Variants in KCNB2 observed in about 807,000 individuals in gnomAD.
KCNB2 encodes potassium voltage-gated channel subfamily B member 2.
A neutral mutation model predicts 61.5 loss-of-function variants in KCNB2; 15 were observed. The ratio of observed to expected loss-of-function variants is 0.24; its 90% CI spans 0.16 to 0.38. The LOEUF (loss-of-function observed/expected upper bound fraction) is 0.38. KCNB2 is among the 10% of genes least tolerant of loss of function. The pLI, the probability that KCNB2 is intolerant of heterozygous loss-of-function variation, is 1.00. For missense variants in KCNB2, 828 were observed against 1,125.2 expected, an observed-to-expected ratio of 0.74 and a Z score of 3.78; for synonymous variants, 457 against 446.0, an observed-to-expected ratio of 1.02 and a Z score of -0.31.
At chr8:72,774,506 C>T (rs987456698) in intron 2 of KCNB2, among the ~76,000 whole-genome samples, 29 of 152,016 alleles carry the variant, frequency 1.9e-4, no homozygotes, top group African/African-American at 6.3e-4. Context: ...TGTGCCACTA[C>T]GCCTGGCTAA....
chr8:72,908,745 C>T (rs1806226306), intron 2 of KCNB2, among the ~76,000 whole-genome samples: 1 of 152,190 alleles, frequency 6.6e-6, no homozygotes, highest in Admixed American at 6.5e-5. Flanking sequence ...AGTCAGAGCA[C>T]CTCACACATC....
intron 2 of KCNB2, among the ~76,000 whole-genome samples, chr8:72,649,625 T>C (rs1323026422): frequency 6.6e-6 from 1 of 152,136 alleles, no homozygotes; most frequent in Non-Finnish European, 1.5e-5. Context: ...TAAAAGGTGA[T>C]TTCCACTATC....
intron 2 of KCNB2, among the ~76,000 whole-genome samples, chr8:72,654,368 G>T (rs1806258193): frequency 6.6e-6 from 1 of 152,298 alleles, no homozygotes; most frequent in South Asian, 2.1e-4. Context: ...AAGATGTAAA[G>T]ATGAAAGAGT....
chr8:72,668,302 C>G (rs1342534458), intron 2 of KCNB2, among the ~76,000 whole-genome samples: 1 of 152,158 alleles, frequency 6.6e-6, no homozygotes, highest in Non-Finnish European at 1.5e-5. Flanking sequence ...TCCTCAGTTT[C>G]CAGCTTCTCC....
At chr8:72,709,675 G>A (rs2128991708) in intron 2 of KCNB2, among the ~76,000 whole-genome samples, 1 of 152,010 alleles carries the variant, frequency 6.6e-6, no homozygotes, top group Admixed American at 6.6e-5. Context: ...ATTCATGAGG[G>A]ATCCACCCCG....
intron 2 of KCNB2, among the ~76,000 whole-genome samples, chr8:72,769,157 T>C (rs1808518639): frequency 6.6e-6 from 1 of 151,696 alleles, no homozygotes; most frequent in Non-Finnish European, 1.5e-5. Context: ...TGAAACCCTG[T>C]CTCAAAAAAA....
intron 2 of KCNB2, among the ~76,000 whole-genome samples, chr8:72,934,842 C>T (rs2129009308): frequency 6.6e-6 from 1 of 151,920 alleles, no homozygotes; most frequent in Non-Finnish European, 1.5e-5. Flanking sequence ...CTCAAATCTG[C>T]ATCCTTCTGC....
intron 2 of KCNB2, among the ~76,000 whole-genome samples, chr8:72,595,236 G>C (rs915418586): frequency 6.6e-6 from 1 of 151,754 alleles, no homozygotes; most frequent in Non-Finnish European, 1.5e-5. Flanking sequence ...CACTCATGAG[G>C]CCCTCAAGTG....
intron 2 of KCNB2, among the ~76,000 whole-genome samples, chr8:72,587,016 A>T (rs758948513): frequency 6.6e-6 from 1 of 152,232 alleles, no homozygotes; most frequent in Non-Finnish European, 1.5e-5. Context: ...TTGATAGCAA[A>T]GATGAATCTT....
chr8:72,574,631 A>G (rs972710882), intron 2 of KCNB2, among the ~76,000 whole-genome samples: 1 of 152,212 alleles, frequency 6.6e-6, no homozygotes, highest in Non-Finnish European at 1.5e-5. Context: ...GTTTTCATTA[A>G]TATTAAAAAA....
chr8:72,859,287 T>TATTACC (rs1223205153), intron 2 of KCNB2, among the ~76,000 whole-genome samples: 1 of 152,160 alleles, frequency 6.6e-6, no homozygotes, highest in Admixed American at 6.5e-5. Flanking sequence ...AAGTGTAGTA[T>TATTACC]GGAATATTAC....
chr8:72,675,679 G>A (rs1465096572), intron 2 of KCNB2, among the ~76,000 whole-genome samples: 1 of 151,928 alleles, frequency 6.6e-6, no homozygotes. Flanking sequence ...TCAGCCTCCT[G>A]AGTAGCTGGG....
chr8:72,745,394 G>A (rs573216589), intron 2 of KCNB2, among the ~76,000 whole-genome samples: 9 of 152,148 alleles, frequency 5.9e-5, no homozygotes, highest in Non-Finnish European at 7.4e-5. Flanking sequence ...CCAGAGCCAC[G>A]CTCACTCATG....
chr8:72,630,995 T>C (rs999288214), intron 2 of KCNB2, among the ~76,000 whole-genome samples: 1 of 152,214 alleles, frequency 6.6e-6, no homozygotes, highest in African/African-American at 2.4e-5. Flanking sequence ...GAACCCTGTA[T>C]ACAGTATGTT....
At chr8:72,561,791 A>ATATGTG (rs1806540153) in intron 1 of KCNB2, among the ~76,000 whole-genome samples, 1 of 79,792 alleles carries the variant, frequency 1.3e-5, no homozygotes, top group Non-Finnish European at 2.2e-5. Flanking sequence ...ATATATATAC[A>ATATGTG]TATATATATA....
intron 2 of KCNB2, among the ~76,000 whole-genome samples, chr8:72,861,308 T>C (rs1805403466): frequency 6.6e-6 from 1 of 152,230 alleles, no homozygotes; most frequent in South Asian, 2.1e-4. Flanking sequence ...CATTATGTCA[T>C]TTGTTATAAT....
At chr8:72,845,173 T>G (rs1340208533) in intron 2 of KCNB2, among the ~76,000 whole-genome samples, 1 of 152,166 alleles carries the variant, frequency 6.6e-6, no homozygotes, top group African/African-American at 2.4e-5. Context: ...TCTGTTAGTT[T>G]TCCTTCTAAC....
At chr8:72,716,999 A>T (rs1807455203) in intron 2 of KCNB2, among the ~76,000 whole-genome samples, 1 of 151,904 alleles carries the variant, frequency 6.6e-6, no homozygotes, top group South Asian at 2.1e-4. Flanking sequence ...AAAAATCACA[A>T]GCATTCTTAT....
chr8:72,600,271 T>G (rs547572374), intron 2 of KCNB2, among the ~76,000 whole-genome samples: 34 of 151,916 alleles, frequency 2.2e-4, no homozygotes, highest in South Asian at 4.2e-4. Context: ...CCATAAAAAA[T>G]GATGAGTTCA....
Sources: allele counts gnomAD v4.1 joint callset (sites outside exome capture counted in the v4.1 genomes callset), GRCh38; gene constraint gnomAD v4.1.1; transcripts MANE v1.5; gene names NCBI Gene and HGNC (gene_info 2026-07-23, HGNC 2026-07-21).